The following IGDCC3 variants were observed in gnomAD, a reference collection of about 807,000 sequenced individuals.
IGDCC3 encodes the protein putative neuronal cell adhesion molecule.
A neutral mutation model predicts 72.0 loss-of-function variants in IGDCC3; 47 were observed. That is an observed-to-expected ratio of 0.65 (90% confidence interval 0.52 to 0.83). The LOEUF (loss-of-function observed/expected upper bound fraction) is 0.83. Ranked by LOEUF, IGDCC3 falls within the 40% of genes least tolerant of loss-of-function variation. The pLI is 0.00. For synonymous variants in IGDCC3, 477 were observed against 472.8 expected (o/e 1.01, Z -0.11); for missense variants, 1,038 against 1,091.3 (o/e 0.95, Z 0.69).
At chr15:65,360,213 C>T (rs970501195) in intron 2 of IGDCC3, among the ~76,000 whole-genome samples, 2 of 152,196 alleles carry the variant, frequency 1.3e-5, no homozygotes, top group African/African-American at 4.8e-5. Context: ...AAAGCAATAT[C>T]ACTTTATTTC....
In IGDCC3 at chr15:65,330,321, C is replaced by T. The variant is rs748358907; in HGVS notation, c.1830G>A (p.Val610=). Residue 610 remains valine, a synonymous_variant, in exon 11 of 14, where the codon GTG becomes GTA. Coordinates refer to ENST00000327987, the MANE Select transcript of IGDCC3 (RefSeq NM_004884.4). The stretch of plus-strand genomic sequence containing the variant: ...TCCTCTCAGATGCTCCCCTCAAAGA[C>T]ACAAAGCGGACTGTGGCATTGCCAT... ...HGDGNATVRF[V]SLRGASERTA... The T allele has an allele frequency of 6.2e-6, 10 of 1,613,986 alleles. No homozygotes were observed. The highest frequency in any genetic ancestry group is 8.5e-6 in the Non-Finnish European group (10 of 1,179,926).
chr15:65,356,848 C>CTTTTTGTTTTTTTT (rs2091225168), intron 2 of IGDCC3, among the ~76,000 whole-genome samples: 1 of 70,898 alleles, frequency 1.4e-5, no homozygotes, highest in Non-Finnish European at 2.6e-5. Context: ...AATGGACCTG[C>CTTTTTGTTTTTTTT]TTTTTTTTTT....
chr15:65,336,697 G>C (rs2091032190), intron 2 of IGDCC3, among the ~76,000 whole-genome samples: 2 of 152,082 alleles, frequency 1.3e-5, no homozygotes, highest in African/African-American at 4.8e-5. Flanking sequence ...TTGGGGATCT[G>C]AACTAACTGC....
At chr15:65,336,549 C>T (rs1335303736) in intron 2 of IGDCC3, among the ~76,000 whole-genome samples, 2 of 152,016 alleles carry the variant, frequency 1.3e-5, no homozygotes, top group Non-Finnish European at 2.9e-5. Context: ...CCTCCCACCC[C>T]CAGTTCATCT....
chr15:65,367,804 G>C (rs1468365217), intron 2 of IGDCC3, among the ~76,000 whole-genome samples: 1 of 152,134 alleles, frequency 6.6e-6, no homozygotes, highest in African/African-American at 2.4e-5. Flanking sequence ...CTCAAGGGAA[G>C]AGGGATTCCA....
At chr15:65,370,612 ATGTATGTG>A (rs1294536657) in intron 2 of IGDCC3, among the ~76,000 whole-genome samples, 38 of 81,334 alleles carry the variant, frequency 4.7e-4, no homozygotes, top group African/African-American at 1.8e-3. Context: ...GTGTATATAT[ATGTATGTG>A]TATATATATA....
At position 65,331,073 on chromosome 15, in the gene IGDCC3, G is replaced by T; in HGVS notation, c.1538C>A (p.Thr513Asn). The T allele has an allele frequency of 6.2e-7, 1 of 1,614,062 alleles. No homozygotes were observed. Among genetic ancestry groups the T allele is most frequent in the East Asian group, 2.2e-5 (1 of 44,872 alleles). Residue 513 changes from threonine (T) to asparagine (N), a missense_variant, in exon 9 of 14, where the codon ACC becomes AAC. By Grantham distance (65) the Thr-to-Asn change is moderately conservative. Coordinates refer to ENST00000327987, the MANE Select transcript of IGDCC3 (RefSeq NM_004884.4). ...PRGASSASVP[T>N]LASTLGEAPA... ...ACCTTCACCCAGGGTGCTAGCTAGG[G>T]TGGGCACAGAGGCTGAGCTGGCCCC...
At chr15:65,336,214 C>T (rs2091028193) in intron 2 of IGDCC3, among the ~76,000 whole-genome samples, 1 of 152,132 alleles carries the variant, frequency 6.6e-6, no homozygotes, top group African/African-American at 2.4e-5. Flanking sequence ...TTCTGGATAA[C>T]AAACCTCTAA....
intron 2 of IGDCC3, among the ~76,000 whole-genome samples, chr15:65,341,449 A>G (rs751542116): frequency 9.2e-5 from 14 of 152,248 alleles, no homozygotes; most frequent in Non-Finnish European, 1.3e-4. Flanking sequence ...CATTATTCAC[A>G]ATAGCTAAAA....
chr15:65,367,987 G>C (rs2091298565), intron 2 of IGDCC3, among the ~76,000 whole-genome samples: 1 of 152,090 alleles, frequency 6.6e-6, no homozygotes, highest in Admixed American at 6.6e-5. Flanking sequence ...AGGTGTCATA[G>C]GTTAGTTACA....
At chr15:65,367,859 T>C (rs1380483884) in intron 2 of IGDCC3, among the ~76,000 whole-genome samples, 1 of 152,074 alleles carries the variant, frequency 6.6e-6, no homozygotes, top group Non-Finnish European at 1.5e-5. Context: ...GCTAGGCCCC[T>C]CGACATCCTT....
At chr15:65,334,663 G>A (rs1006456688) in intron 5 of IGDCC3, 65 bp downstream of exon 5, 2 of 1,404,256 alleles carry the variant, frequency 1.4e-6, no homozygotes, top group East Asian at 2.6e-5. Context: ...TGAGGAGTCT[G>A]AGACCGGCCC....
intron 2 of IGDCC3, chr15:65,355,656 T>TTA: frequency 4.7e-6 from 1 of 211,730 alleles, no homozygotes; most frequent in Non-Finnish European, 9.7e-6. Context: ...GACGCGGGCG[T>TTA]CCCGCCCCCC....
chr15:65,339,360 G>A lies in IGDCC3; in HGVS notation c.410-3404C>T, dbSNP rs577154820. On this transcript the variant is annotated intron_variant, in intron 2 of 13. Transcript: ENST00000327987. The surrounding 1 kb of genome is among the most constrained non-coding windows in gnomAD (Gnocchi z 4.1). Reference sequence around the variant, plus strand: ...TTCCCAAAGTGCTGGGATTCCAGGCGTGAGCTACTGTGCCTGGCCAATTTT... The same window carrying A: ...TTCCCAAAGTGCTGGGATTCCAGGCATGAGCTACTGTGCCTGGCCAATTTT... Among the ~76,000 whole-genome samples the A allele has an allele frequency of 2.4e-4, 36 of 152,344 alleles. No homozygotes were observed. Among genetic ancestry groups the A allele is most frequent in the Non-Finnish European group, 3.4e-4 (23 of 68,022 alleles).
At chr15:65,336,818 C>A (rs1353082071) in intron 2 of IGDCC3, among the ~76,000 whole-genome samples, 1 of 152,118 alleles carries the variant, frequency 6.6e-6, no homozygotes, top group Admixed American at 6.5e-5. Flanking sequence ...CACCCATGCC[C>A]AAACCCCACC....
intron 2 of IGDCC3, among the ~76,000 whole-genome samples, chr15:65,347,752 G>A (rs780812978): frequency 5.9e-5 from 9 of 152,108 alleles, no homozygotes; most frequent in South Asian, 2.1e-4. Context: ...CCAACATGGC[G>A]AAACCCTGTC....
chr15:65,367,017 C>A (rs913601151), intron 2 of IGDCC3, among the ~76,000 whole-genome samples: 3 of 152,196 alleles, frequency 2.0e-5, no homozygotes, highest in Non-Finnish European at 4.4e-5. Flanking sequence ...CAGAGTGCAG[C>A]TAGATTTTGG....
chr15:65,360,293 T>C (rs1419522083), intron 2 of IGDCC3, among the ~76,000 whole-genome samples: 1 of 152,210 alleles, frequency 6.6e-6, no homozygotes, highest in Non-Finnish European at 1.5e-5. Flanking sequence ...TATGGTTTGA[T>C]GGGAAAATGA....
chr15:65,336,059 C>T, intron 2 of IGDCC3, 103 bp from the exon 3 acceptor site: 1 of 1,226,228 alleles, frequency 8.2e-7, no homozygotes, highest in South Asian at 1.3e-5. Context: ...GGAGCCCACT[C>T]CATCCAGGGG....
Sources: gnomAD v4.1 joint callset for allele counts (sites outside exome capture counted in the v4.1 genomes callset) on GRCh38, gnomAD v4.1.1 for gene constraint, Gnocchi (gnomAD v3.1) non-coding constraint, MANE v1.5 for transcripts, NCBI Gene and HGNC (gene_info 2026-07-23, HGNC 2026-07-21) for gene names.